Variants in FBXW2 observed in about 807,000 individuals in gnomAD.
The protein encoded by FBXW2 is F-box and WD repeat domain containing 2, also known as F-box/WD repeat-containing protein 2.
In FBXW2, 12 loss-of-function variants were observed where a neutral mutation model predicts 46.0. The observed-to-expected ratio is 0.26, with a 90% CI of 0.17 to 0.42. FBXW2 has a LOEUF of 0.42. Among genes scored for constraint, FBXW2 ranks in the 10% least tolerant of loss-of-function variants. The pLI, the probability that FBXW2 is intolerant of heterozygous loss-of-function variation, is 1.00. For missense variants in FBXW2, 360 were observed against 537.0 expected (o/e 0.67, Z 3.26); for synonymous variants, 203 against 209.6 (o/e 0.97, Z 0.27).
rs565098438 is a variant in FBXW2, at chr9:120,758,042, A to G, written c.*6517T>C. The G allele has an allele frequency of 1.3e-4, 20 of 152,322 alleles. No homozygotes were observed. The highest frequency in any genetic ancestry group is 3.3e-4 in the Admixed American group (5 of 15,298). 9.4% of individuals were successfully genotyped at this position (152,322 alleles called of 1,614,324 possible). On this transcript the variant is annotated 3_prime_UTR_variant, in exon 8 of 8. Coordinates refer to ENST00000608872, the MANE Select transcript of FBXW2 (RefSeq NM_012164.4). Reference sequence around the variant, plus strand: ...ATGAATTCCTACTCTCAATCTTACAATGTTGCTGGGGAAACCAGGTATTCA... The same window carrying G: ...ATGAATTCCTACTCTCAATCTTACAGTGTTGCTGGGGAAACCAGGTATTCA...
At chr9:120,786,288 T>C (rs1354674777) in intron 3 of FBXW2, among the ~76,000 whole-genome samples, 1 of 152,176 alleles carries the variant, frequency 6.6e-6, no homozygotes, top group Non-Finnish European at 1.5e-5. Flanking sequence ...CCCCATGCTG[T>C]TCTCATGATA....
At chr9:120,770,014 T>G (rs937594805) in intron 7 of FBXW2, among the ~76,000 whole-genome samples, 1 of 152,214 alleles carries the variant, frequency 6.6e-6, no homozygotes, top group African/African-American at 2.4e-5. Flanking sequence ...CAGAGAGATG[T>G]GGCCCACCAA....
Position 120,778,496 on chromosome 9 carries a change from G to A in FBXW2, c.540C>T (p.Cys180=), listed in dbSNP as rs1219144953. The change falls in exon 4 of 8, where the codon TGC becomes TGT. Residue 180 remains cysteine (C), a synonymous_variant. Coordinates refer to ENST00000608872, the MANE Select transcript of FBXW2 (RefSeq NM_012164.4). The part of the protein sequence containing the change: ...AKLWDVSTGQ[C]VYGIQTHTCA... ...AAGTGTGGGTCTGGATGCCATAAAC[G>A]CACTGCCCTGTGCTCACATCCCACA... 5 of 1,613,964 alleles carry A rather than the reference G, an allele frequency of 3.1e-6. No individual in the cohort carries two copies. In the African/African-American group the frequency reaches 4.0e-5, roughly 13 times the overall value.
intron 5 of FBXW2, among the ~76,000 whole-genome samples, chr9:120,773,643 G>A (rs1428345939): frequency 1.3e-5 from 2 of 152,184 alleles, no homozygotes; most frequent in African/African-American, 4.8e-5. Flanking sequence ...AGGTGAGAGG[G>A]GAAGCAGGGT....
intron 7 of FBXW2, 24 bp downstream of exon 7, chr9:120,771,324 G>A (rs757451817): frequency 7.0e-5 from 112 of 1,592,906 alleles, no homozygotes; most frequent in Middle Eastern, 6.7e-4. Flanking sequence ...CAAAGGTAAA[G>A]CGTGAGGTCG....
At chr9:120,781,074 C>T (rs943239121) in intron 3 of FBXW2, among the ~76,000 whole-genome samples, 2 of 150,466 alleles carry the variant, frequency 1.3e-5, no homozygotes, top group African/African-American at 4.9e-5. Flanking sequence ...CTAATTTAAA[C>T]CTAAGGATGA....
chr9:120,793,029 G>C lies in FBXW2; in HGVS notation c.-21+120C>G, dbSNP rs1254245665. ...CTCATTTCGCAGCTAAGGAAATGGA[G>C]GCAGTAGGAGGCAGTAACTCCAAAA... On this transcript the variant is annotated intron_variant, in intron 2 of 7. Coordinates refer to ENST00000608872, the MANE Select transcript of FBXW2 (RefSeq NM_012164.4). 2.1e-5 allele frequency: 27 copies of C among 1,290,414 alleles called. 1 individual carries two copies. In the South Asian group the frequency reaches 3.3e-4, roughly 16 times the overall value. The allele number at this position is 1,290,414 out of a possible 1,614,324, so 79.9% of individuals were successfully genotyped here.
chr9:120,788,106 G>T lies in FBXW2; in HGVS notation c.153C>A (p.Leu51=), dbSNP rs746762853. 14 of 1,614,044 alleles carry T rather than the reference G, an allele frequency of 8.7e-6. No homozygotes were observed. Among genetic ancestry groups the T allele is most frequent in the Middle Eastern group, 1.6e-4 (1 of 6,084 alleles). Residue 51 remains leucine (L), a synonymous_variant, in exon 3 of 8, where the codon CTC becomes CTA. Transcript: ENST00000608872. ...LRHLSNNLET[L]LKRDFLKLLP... ...GGAGTTTGAGGAAGTCCCGCTTGAG[G>T]AGAGTCTCTAGGTTATTGGAGAGAT...
chr9:120,771,966 C>T (rs1469047096), intron 6 of FBXW2, among the ~76,000 whole-genome samples: 1 of 146,958 alleles, frequency 6.8e-6, no homozygotes, highest in Admixed American at 7.0e-5. Context: ...GGCTGAAGCA[C>T]GAGCATCACT....
intron 7 of FBXW2, among the ~76,000 whole-genome samples, chr9:120,767,541 T>C (rs536720843): frequency 2.2e-4 from 33 of 152,352 alleles, no homozygotes; most frequent in Non-Finnish European, 4.6e-4. Flanking sequence ...AAATGAGTTA[T>C]AACTGATAAC....
rs1554808324 is a variant in FBXW2 at position 120,781,675 on chromosome 9, C to CATACAT, written c.491-3131_491-3130insATGTAT. Among the ~76,000 whole-genome samples the CATACAT allele has an allele frequency of 5.8e-3, 855 of 146,324 alleles. 7 individuals carry two copies. The highest frequency in any genetic ancestry group is 0.01 in the Admixed American group (148 of 14,416). On this transcript the variant is annotated intron_variant, in intron 3 of 7. Transcript: ENST00000608872. The stretch of plus-strand genomic sequence containing the variant: ...ACACACACACACACACACACACACA[C>CATACAT]ATACACACACACACATATATACATA...
At chr9:120,785,351 A>G (rs1231763515) in intron 3 of FBXW2, among the ~76,000 whole-genome samples, 1 of 152,234 alleles carries the variant, frequency 6.6e-6, no homozygotes, top group Non-Finnish European at 1.5e-5. Flanking sequence ...CAAAAGAGAC[A>G]TGGAAAAGCC....
Position 120,763,262 on chromosome 9 carries a change from T to C in FBXW2, c.*1297A>G. On this transcript the variant is annotated 3_prime_UTR_variant, in exon 8 of 8. Transcript: ENST00000608872. ...CAGCACAATCCTCCCCAGAATGTTT[T>C]ACTCATTTATGTTACCTGCACGGCT... The C allele has an allele frequency of 6.6e-6, 1 of 152,214 alleles. No individual in the cohort carries two copies. Among genetic ancestry groups the C allele is most frequent in the African/African-American group, 2.4e-5 (1 of 41,460 alleles). 9.4% of individuals were successfully genotyped at this position (152,214 alleles called of 1,614,324 possible).
At chr9:120,766,497 G>A (rs907926581) in intron 7 of FBXW2, among the ~76,000 whole-genome samples, 2 of 151,948 alleles carry the variant, frequency 1.3e-5, no homozygotes, top group Admixed American at 6.6e-5. Context: ...ATGGAGTCTC[G>A]CTCTGTCACC....
rs950136067 is a variant in FBXW2, at chr9:120,763,309, G to C, written c.*1250C>G. ...GGCTCCCTTAGGCATTTGGGTTTGT[G>C]AGCCCTCATCTAGGACAATTCCCTC... is the stretch of plus-strand genomic sequence containing the variant. On this transcript the variant is annotated 3_prime_UTR_variant, in exon 8 of 8. Transcript: ENST00000608872. 2.0e-5 allele frequency: 3 copies of C among 152,136 alleles called. No homozygotes were observed. The highest frequency in any genetic ancestry group is 4.4e-5 in the Non-Finnish European group (3 of 68,012). The allele number at this position is 152,136 out of a possible 1,614,324, so 9.4% of individuals were successfully genotyped here.
chr9:120,764,957 T>C, intron 7 of FBXW2, 110 bp from the exon 8 acceptor site: 4 of 898,242 alleles, frequency 4.5e-6, no homozygotes, highest in Non-Finnish European at 6.4e-6. Flanking sequence ...CAAGCAAATT[T>C]AGAGTTAAAT....
chr9:120,763,342 A>C lies in FBXW2; in HGVS notation c.*1217T>G, dbSNP rs2131268792. ...ATCTAGGACAATTCCCTCACTTAAAAGATGAAGAAAATGATGGTCTTAGAA... is the reference window on the plus strand; with the variant it reads ...ATCTAGGACAATTCCCTCACTTAAACGATGAAGAAAATGATGGTCTTAGAA... On this transcript the variant is annotated 3_prime_UTR_variant, in exon 8 of 8. Transcript: ENST00000608872. The C allele has an allele frequency of 6.6e-6, 1 of 152,324 alleles. No homozygotes were observed. Among genetic ancestry groups the C allele is most frequent in the South Asian group, 2.1e-4 (1 of 4,832 alleles). 9.4% of individuals were successfully genotyped at this position (152,324 alleles called of 1,614,324 possible).
At chr9:120,772,058 CAGAAAAAAAAAAAAAAAAAAAAAAAGAGA>C (rs2044387102) in intron 6 of FBXW2, among the ~76,000 whole-genome samples, 3 of 52,876 alleles carry the variant, frequency 5.7e-5, no homozygotes, top group African/African-American at 2.8e-4. Flanking sequence ...GACCCTGTCT[CAGAAAAAAAAAAAAAAAAAAAAAAAGAGA>C]TGCAGTAAGA....
At chr9:120,785,880 G>A (rs537879060) in intron 3 of FBXW2, among the ~76,000 whole-genome samples, 4 of 151,806 alleles carry the variant, frequency 2.6e-5, no homozygotes, top group South Asian at 2.1e-4. Flanking sequence ...AAAATTAGCC[G>A]GGTGTGGTGG....
Sources: gnomAD v4.1 joint callset for allele counts (sites outside exome capture counted in the v4.1 genomes callset) on GRCh38, gnomAD v4.1.1 for gene constraint, MANE v1.5 for transcripts, NCBI Gene and HGNC (gene_info 2026-07-23, HGNC 2026-07-21) for gene names.